The following FAM107B variants were observed in gnomAD, a reference collection of about 807,000 sequenced individuals.
The protein encoded by FAM107B is family with sequence similarity 107 member B, also known as protein FAM107B.
A neutral mutation model predicts 31.5 loss-of-function variants in FAM107B; 21 were observed. That is an observed-to-expected ratio of 0.67 (90% CI 0.47 to 0.96). The LOEUF is 0.96. Ranked by LOEUF, FAM107B falls within the 40% of genes least tolerant of loss-of-function variation. The pLI is 0.00. For missense variants in FAM107B, 452 were observed against 377.1 expected, an observed-to-expected ratio of 1.20 and a Z score of -1.64; for synonymous variants, 157 against 141.5, an observed-to-expected ratio of 1.11 and a Z score of -0.78.
At chr10:14,635,893 C>A in intron 2 of FAM107B, among the ~76,000 whole-genome samples, 1 of 152,118 alleles carries the variant, frequency 6.6e-6, no homozygotes, top group East Asian at 1.9e-4. Flanking sequence ...CGGCCTCCCA[C>A]CGCATTGAGA....
At chr10:14,667,273 AT>A in intron 2 of FAM107B, among the ~76,000 whole-genome samples, 1 of 152,350 alleles carries the variant, frequency 6.6e-6, no homozygotes, top group East Asian at 1.9e-4. Context: ...ACTTATCTAA[AT>A]AATGTTTTCC....
intron 2 of FAM107B, among the ~76,000 whole-genome samples, chr10:14,667,268 T>C (rs1469999285): frequency 1.3e-5 from 2 of 152,206 alleles, no homozygotes; most frequent in Non-Finnish European, 2.9e-5. Context: ...AGCAAACTTA[T>C]CTAAATAATG....
intron 1 of FAM107B, among the ~76,000 whole-genome samples, chr10:14,686,026 C>T (rs1854977082): frequency 6.6e-6 from 1 of 152,062 alleles, no homozygotes; most frequent in Non-Finnish European, 1.5e-5. Flanking sequence ...ATCTAGGGGA[C>T]CCCACCCCCC....
intron 1 of FAM107B, among the ~76,000 whole-genome samples, chr10:14,767,232 T>G: frequency 6.7e-6 from 1 of 149,660 alleles, no homozygotes; most frequent in Admixed American, 6.8e-5. Flanking sequence ...TAGCTGGGAT[T>G]ATAGCCCCTC....
At chr10:14,604,809 C>T (rs1474309601) in intron 2 of FAM107B, among the ~76,000 whole-genome samples, 1 of 152,152 alleles carries the variant, frequency 6.6e-6, no homozygotes, top group Non-Finnish European at 1.5e-5. Context: ...CTTTCTCTCT[C>T]CCTTAATCTC....
At chr10:14,664,298 C>T (rs746036216) in intron 2 of FAM107B, among the ~76,000 whole-genome samples, 2 of 152,198 alleles carry the variant, frequency 1.3e-5, no homozygotes, top group African/African-American at 2.4e-5. Flanking sequence ...CTATAACTCA[C>T]ATTTTATTTG....
intron 2 of FAM107B, among the ~76,000 whole-genome samples, chr10:14,635,146 G>C (rs1853465549): frequency 6.7e-6 from 1 of 149,224 alleles, no homozygotes; most frequent in African/African-American, 2.5e-5. Context: ...AGGGAGGGAG[G>C]GAGGGAGGGG....
At chr10:14,723,002 G>A (rs920555689) in intron 1 of FAM107B, among the ~76,000 whole-genome samples, 2 of 152,148 alleles carry the variant, frequency 1.3e-5, no homozygotes, top group Admixed American at 6.5e-5. Flanking sequence ...TACAGTGTGA[G>A]GTAGGGGTCC....
chr10:14,555,894 A>AACACACACACACACAC (rs56270507), intron 2 of FAM107B: 152 of 148,198 alleles, frequency 1.0e-3, no homozygotes, highest in Middle Eastern at 3.5e-3. Flanking sequence ...AGACATCTTT[A>AACACACACACACACAC]ACACACACAC....
intron 1 of FAM107B, among the ~76,000 whole-genome samples, chr10:14,729,892 C>A (rs903507962): frequency 3.9e-5 from 6 of 152,114 alleles, no homozygotes; most frequent in Admixed American, 3.9e-4. Context: ...TTTGCAGGGA[C>A]ATAAATGAAG....
intron 1 of FAM107B, among the ~76,000 whole-genome samples, chr10:14,766,897 A>G (rs1224901462): frequency 6.7e-6 from 1 of 149,552 alleles, no homozygotes; most frequent in Non-Finnish European, 1.5e-5. Context: ...TCTTTCTCAA[A>G]CTCCTCCAAA....
chr10:14,754,838 T>G (rs1315928818), intron 1 of FAM107B, among the ~76,000 whole-genome samples: 4 of 152,244 alleles, frequency 2.6e-5, no homozygotes, highest in African/African-American at 9.6e-5. Context: ...AATTTTATTT[T>G]CCTTATTGCA....
At chr10:14,702,732 T>C (rs898036133) in intron 1 of FAM107B, among the ~76,000 whole-genome samples, 1 of 152,204 alleles carries the variant, frequency 6.6e-6, no homozygotes. Flanking sequence ...CATAGCAGAA[T>C]AAGTTTTGGG....
At chr10:14,606,371 T>A (rs137927495) in intron 2 of FAM107B, among the ~76,000 whole-genome samples, 37 of 152,258 alleles carry the variant, frequency 2.4e-4, no homozygotes, top group African/African-American at 8.9e-4. Flanking sequence ...CCCGACATGG[T>A]ATTGGCGTTA....
intron 2 of FAM107B, chr10:14,652,638 C>G (rs565574070): frequency 6.6e-6 from 1 of 152,302 alleles, no homozygotes; most frequent in Non-Finnish European, 1.5e-5. Flanking sequence ...ATGCATTGTT[C>G]TAAGTGTTCT....
intron 2 of FAM107B, among the ~76,000 whole-genome samples, chr10:14,620,778 C>T (rs796551742): frequency 2.6e-5 from 4 of 152,228 alleles, no homozygotes; most frequent in African/African-American, 7.2e-5. Flanking sequence ...GAGAACATGC[C>T]GCATTTAACT....
chr10:14,537,631 A>G (rs1847760150), intron 2 of FAM107B, among the ~76,000 whole-genome samples: 1 of 152,108 alleles, frequency 6.6e-6, no homozygotes, highest in African/African-American at 2.4e-5. Flanking sequence ...TGAGGTCCAG[A>G]GATCGAGACC....
chr10:14,732,990 T>C (rs1856210488), intron 1 of FAM107B, among the ~76,000 whole-genome samples: 1 of 146,784 alleles, frequency 6.8e-6, no homozygotes, highest in Non-Finnish European at 1.5e-5. Context: ...ATACAATATA[T>C]CTAATAATTC....
intron 2 of FAM107B, among the ~76,000 whole-genome samples, chr10:14,560,646 G>A (rs1473518143): frequency 6.6e-6 from 1 of 152,136 alleles, no homozygotes; most frequent in African/African-American, 2.4e-5. Context: ...CAAGAGACAG[G>A]TATGAGGGAC....
Sources: gnomAD v4.1 joint callset for allele counts (sites outside exome capture counted in the v4.1 genomes callset) on GRCh38, gnomAD v4.1.1 for gene constraint, MANE v1.5 for transcripts, NCBI Gene and HGNC (gene_info 2026-07-23, HGNC 2026-07-21) for gene names.